Variants in NOS1 observed in about 807,000 individuals in gnomAD.
The protein encoded by NOS1 is nitric oxide synthase 1, also known as NOS type I.
NOS1 carries 51 observed loss-of-function variants against 164.5 expected under a neutral mutation model. The observed-to-expected ratio is 0.31, with a 90% CI of 0.25 to 0.39. The LOEUF is 0.39. Among genes scored for constraint, NOS1 ranks in the 10% least tolerant of loss-of-function variants. The probability of loss-of-function intolerance (pLI) is 1.00; values close to 1 mark genes in which losing one functional copy is unlikely to be tolerated. For missense variants in NOS1, 1,362 were observed against 1,885.6 expected, an observed-to-expected ratio of 0.72 and a Z score of 5.14; for synonymous variants, 719 against 745.8, an observed-to-expected ratio of 0.96 and a Z score of 0.59.
intron 3 of NOS1, among the ~76,000 whole-genome samples, chr12:117,307,994 AAATAAT>A (rs71444617): frequency 4.1e-4 from 61 of 149,844 alleles, no homozygotes; most frequent in African/African-American, 1.1e-3. Flanking sequence ...GTCTCACAAT[AAATAAT>A]AATAATAATA....
At chr12:117,229,073 G>A (rs1268890513) in intron 22 of NOS1, among the ~76,000 whole-genome samples, 3 of 152,196 alleles carry the variant, frequency 2.0e-5, no homozygotes, top group East Asian at 3.9e-4. Flanking sequence ...GAGCCACTGC[G>A]ACCGGCCTGT....
Position 117,258,383 on chromosome 12 carries a change from G to A in NOS1, c.2531+14C>T, listed in dbSNP as rs777440337. On this transcript the variant is annotated intron_variant, in intron 16 of 28. Transcript: ENST00000317775. ...CGGGGGTGGCGGGTGACGTCGGAGGGGTCATTCACTTACTTCCTTTCTTCC... is the reference window on the plus strand; with the variant it reads ...CGGGGGTGGCGGGTGACGTCGGAGGAGTCATTCACTTACTTCCTTTCTTCC... The A allele has an allele frequency of 2.5e-6, 4 of 1,613,894 alleles. No individual in the cohort carries two copies. The South Asian group carries it at 3.3e-5, about 13-fold the overall frequency.
chr12:117,234,429 A>T lies in NOS1; in HGVS notation c.3235+136T>A. The T allele has an allele frequency of 2.4e-6, 2 of 837,886 alleles. No homozygotes were observed. Among genetic ancestry groups the T allele is most frequent in the Non-Finnish European group, 3.6e-6 (2 of 551,726 alleles). The allele number at this position is 837,886 out of a possible 1,614,324, so 51.9% of individuals were successfully genotyped here. On this transcript the variant is annotated intron_variant, in intron 21 of 28. Transcript: ENST00000317775. This position sits in a 1 kb window ranked among gnomAD's most constrained non-coding sequence, Gnocchi z 4.3. ...AGTCATGAGAAAGGGGGATATCTTTAGTCTCATAGGCTGTTAGCAACAGAC... is the reference window on the plus strand; with the variant it reads ...AGTCATGAGAAAGGGGGATATCTTTTGTCTCATAGGCTGTTAGCAACAGAC...
chr12:117,228,043 A>AAG (rs1207617490), intron 22 of NOS1, among the ~76,000 whole-genome samples: 3 of 151,650 alleles, frequency 2.0e-5, no homozygotes, highest in South Asian at 2.1e-4. Context: ...GATAGAAAGA[A>AAG]AGAGAGAGAG....
intron 1 of NOS1, among the ~76,000 whole-genome samples, chr12:117,344,382 A>T (rs1876251278): frequency 6.6e-6 from 1 of 152,198 alleles, no homozygotes; most frequent in African/African-American, 2.4e-5. Flanking sequence ...CAACTTTTTC[A>T]ATTTCGTACA....
chr12:117,210,314 G>A lies in NOS1; in HGVS notation c.*4995C>T, dbSNP rs1405053176. 2.0e-6 allele frequency: 2 copies of A among 985,186 alleles called. No homozygotes were observed. Among genetic ancestry groups the A allele is most frequent in the Non-Finnish European group, 2.4e-6 (2 of 829,944 alleles). 61.0% of individuals were successfully genotyped at this position (985,186 alleles called of 1,614,324 possible). A position where few individuals can be genotyped will look rare whatever the true frequency, so the allele number is the denominator to read the frequency against. ...CCAAAGAGGACATTTGGATGCAGGAGACTATGAAGGTTGGGGACAGCCAGA... is the reference window on the plus strand; with the variant it reads ...CCAAAGAGGACATTTGGATGCAGGAAACTATGAAGGTTGGGGACAGCCAGA... On this transcript the variant is annotated 3_prime_UTR_variant, in exon 29 of 29. Coordinates refer to ENST00000317775, the MANE Select transcript of NOS1 (RefSeq NM_000620.5).
intron 16 of NOS1, 28 bp from the exon 17 acceptor site, chr12:117,253,782 C>T (rs1268506214): frequency 6.5e-7 from 1 of 1,542,758 alleles, no homozygotes; most frequent in African/African-American, 1.4e-5. Flanking sequence ...AACCTGTGAG[C>T]TCTGGCCTGG....
chr12:117,209,924 TC>T lies in NOS1; in HGVS notation c.*5384del. 1.0e-6 allele frequency: 1 copy of T among 985,524 alleles called. No homozygotes were observed. Among genetic ancestry groups the T allele is most frequent in the Non-Finnish European group, 1.2e-6 (1 of 829,986 alleles). The allele number at this position is 985,524 out of a possible 1,614,324, so 61.0% of individuals were successfully genotyped here. A position where few individuals can be genotyped will look rare whatever the true frequency, so the allele number is the denominator to read the frequency against. On this transcript the variant is annotated 3_prime_UTR_variant, in exon 29 of 29. Transcript: ENST00000317775. The stretch of plus-strand genomic sequence containing the variant: ...TTGACTCCCTGGGAGGCAGGCCCCT[TC>T]CCTCAGACCCTCAGACCTGTGTTTC...
chr12:117,229,562 TTCTATCTATCTATCTATCTA>T (rs58234141), intron 22 of NOS1, among the ~76,000 whole-genome samples: 1 of 149,284 alleles, frequency 6.7e-6, no homozygotes, highest in South Asian at 2.2e-4. Flanking sequence ...TATCAAATTC[TTCTATCTATCTATCTATCTA>T]TCTATCTATC....
At chr12:117,333,954 T>C (rs975514245) in intron 1 of NOS1, among the ~76,000 whole-genome samples, 1 of 152,266 alleles carries the variant, frequency 6.6e-6, no homozygotes, top group Admixed American at 6.5e-5. Context: ...AGCATCCCGT[T>C]TGGCATTAAG....
intron 2 of NOS1, among the ~76,000 whole-genome samples, chr12:117,312,886 TCAC>T (rs1370581970): frequency 6.6e-6 from 1 of 152,010 alleles, no homozygotes; most frequent in African/African-American, 2.4e-5. Context: ...ACCACCACCA[TCAC>T]CATCATCTTT....
chr12:117,338,475 T>TG (rs1342134810), intron 1 of NOS1, among the ~76,000 whole-genome samples: 1 of 74,118 alleles, frequency 1.3e-5, no homozygotes, highest in South Asian at 6.1e-4. Context: ...TGTTGTGGGG[T>TG]GGGGGGAGGG....
chr12:117,281,462 G>A (rs577097983), intron 7 of NOS1, among the ~76,000 whole-genome samples: 1 of 132,828 alleles, frequency 7.5e-6, no homozygotes, highest in Admixed American at 9.3e-5. Flanking sequence ...AGAGGTTTCA[G>A]TAAGCCAAGA....
At chr12:117,360,877 G>A (rs1593050456) in intron 1 of NOS1, among the ~76,000 whole-genome samples, 1 of 152,188 alleles carries the variant, frequency 6.6e-6, no homozygotes, top group African/African-American at 2.4e-5. Context: ...ATTACCGCCA[G>A]CGCACAGCTC....
intron 3 of NOS1, among the ~76,000 whole-genome samples, chr12:117,294,819 C>A (rs1294323817): frequency 1.3e-5 from 2 of 152,112 alleles, no homozygotes. Flanking sequence ...CATTGGCTCG[C>A]TCTTTGTGGA....
rs1252767061 is a variant in NOS1 at position 117,330,326 on chromosome 12, A to ACACC, written c.725+15_725+18dup. 2.5e-6 allele frequency: 4 copies of ACACC among 1,596,970 alleles called. No homozygotes were observed. Among genetic ancestry groups the ACACC allele is most frequent in the South Asian group, 2.3e-5 (2 of 87,744 alleles). The stretch of plus-strand genomic sequence containing the variant: ...CACACACACACACACACACACACAC[A>ACACC]CACCCCTGTGGAGCTTACCTGTCCA... On this transcript the variant is annotated intron_variant, in intron 2 of 28. Coordinates refer to ENST00000317775, the MANE Select transcript of NOS1 (RefSeq NM_000620.5). The surrounding 1 kb of genome is among the most constrained non-coding windows in gnomAD (Gnocchi z 4.6).
intron 25 of NOS1, among the ~76,000 whole-genome samples, chr12:117,224,166 G>T (rs1868433828): frequency 6.6e-6 from 1 of 152,130 alleles, no homozygotes; most frequent in South Asian, 2.1e-4. Context: ...TCAAATCAAT[G>T]GAAAGGTTTT....
rs181883955 is a variant in NOS1 at position 117,290,481 on chromosome 12, A to G, written c.853-55T>C. Reference sequence around the variant, plus strand: ...GGCAGGGCCTTGAGTGGACTGTAACATTGTCTCCACAGAGGCTGGGAGAGC... The same window carrying G: ...GGCAGGGCCTTGAGTGGACTGTAACGTTGTCTCCACAGAGGCTGGGAGAGC... On this transcript the variant is annotated intron_variant, in intron 3 of 28. Transcript: ENST00000317775. 3.2e-6 allele frequency: 5 copies of G among 1,561,530 alleles called. No homozygotes were observed. In the African/African-American group the frequency reaches 6.8e-5, roughly 21 times the overall value.
intron 1 of NOS1, among the ~76,000 whole-genome samples, chr12:117,340,606 T>A (rs1876052306): frequency 6.6e-6 from 1 of 152,220 alleles, no homozygotes; most frequent in African/African-American, 2.4e-5. Context: ...CTCGGCTCGC[T>A]GCAACCTCTG....
Sources: allele counts gnomAD v4.1 joint callset (sites outside exome capture counted in the v4.1 genomes callset), GRCh38; gene constraint gnomAD v4.1.1; non-coding constraint Gnocchi (gnomAD v3.1); transcripts MANE v1.5; gene names NCBI Gene and HGNC (gene_info 2026-07-23, HGNC 2026-07-21).